The following CDH13 variants were observed in gnomAD, a reference collection of about 807,000 sequenced individuals.
The protein encoded by CDH13 is cadherin-13.
In CDH13, 24 loss-of-function variants were observed where a neutral mutation model predicts 63.8. The ratio of observed to expected loss-of-function variants is 0.38; its 90% CI spans 0.27 to 0.53. The LOEUF is 0.53. Among genes scored for constraint, CDH13 ranks in the 20% least tolerant of loss-of-function variants. The pLI is 0.85. For synonymous variants in CDH13, 503 were observed against 355.3 expected (o/e 1.42, Z -4.67); for missense variants, 1,049 against 903.1 (o/e 1.16, Z -2.07).
chr16:83,141,474 C>T (rs1031170672), intron 4 of CDH13, among the ~76,000 whole-genome samples: 10 of 152,130 alleles, frequency 6.6e-5, no homozygotes, highest in Non-Finnish European at 8.8e-5. Context: ...CATTTCTCTT[C>T]GCAGTGTTCT....
chr16:83,600,476 C>G (rs1034701350), intron 7 of CDH13, among the ~76,000 whole-genome samples: 1 of 152,176 alleles, frequency 6.6e-6, no homozygotes, highest in Non-Finnish European at 1.5e-5. Context: ...CAGCCAGTTG[C>G]ACTTCAAAAT....
chr16:83,736,538 G>T (rs1012111097), intron 10 of CDH13, among the ~76,000 whole-genome samples: 1 of 152,076 alleles, frequency 6.6e-6, no homozygotes, highest in Admixed American at 6.6e-5. Context: ...AGTGTCAAAT[G>T]TCCCTTTATA....
At chr16:83,287,757 TC>T (rs889495196) in intron 5 of CDH13, among the ~76,000 whole-genome samples, 14 of 152,084 alleles carry the variant, frequency 9.2e-5, no homozygotes, top group Admixed American at 3.3e-4. Context: ...CCCCAAGTCA[TC>T]CCCTCACCTC....
intron 5 of CDH13, among the ~76,000 whole-genome samples, chr16:83,228,775 A>G (rs150831604): frequency 6.6e-6 from 1 of 152,204 alleles, no homozygotes; most frequent in African/African-American, 2.4e-5. Context: ...GTGAGCTTAG[A>G]CATGATACTC....
intron 4 of CDH13, chr16:83,171,473 T>C: frequency 7.0e-7 from 1 of 1,431,270 alleles, no homozygotes; most frequent in East Asian, 2.5e-5. Flanking sequence ...CTAATTAGGT[T>C]ACTCATTCTA....
chr16:83,049,097 G>T (rs182342507), intron 3 of CDH13, among the ~76,000 whole-genome samples: 20 of 152,108 alleles, frequency 1.3e-4, no homozygotes, highest in Non-Finnish European at 2.9e-4. Flanking sequence ...TAATTTTATT[G>T]AGGTAAAATT....
chr16:83,630,111 A>G (rs1048458707), intron 8 of CDH13, among the ~76,000 whole-genome samples: 4 of 152,122 alleles, frequency 2.6e-5, no homozygotes, highest in African/African-American at 9.7e-5. Context: ...CCACGTGTTG[A>G]TCTCAGACCT....
chr16:82,930,221 C>T (rs141785825), intron 2 of CDH13, among the ~76,000 whole-genome samples: 27 of 152,050 alleles, frequency 1.8e-4, no homozygotes, highest in African/African-American at 6.3e-4. Context: ...AAGAGATTCA[C>T]CTGCCTCTGC....
intron 2 of CDH13, among the ~76,000 whole-genome samples, chr16:83,024,424 G>A (rs1422895955): frequency 6.6e-6 from 1 of 152,140 alleles, no homozygotes; most frequent in Non-Finnish European, 1.5e-5. Flanking sequence ...ATGAAATTGT[G>A]AGTCTGGAAG....
At chr16:83,312,905 T>G (rs1437334140) in intron 5 of CDH13, among the ~76,000 whole-genome samples, 1 of 152,188 alleles carries the variant, frequency 6.6e-6, no homozygotes, top group Non-Finnish European at 1.5e-5. Flanking sequence ...CCTGGCACCA[T>G]AGCTGTGTTG....
In CDH13 at chr16:83,324,254, C is replaced by G. The variant is rs144043989; in HGVS notation, c.637-20608C>G. On this transcript the variant is annotated intron_variant, in intron 5 of 13. Coordinates refer to ENST00000567109, the MANE Select transcript of CDH13 (RefSeq NM_001257.5). ...GTTTCACCATCATGGTCAGGCTGGT[C>G]TTGAACTCCTGACCTCGTGATGCAC... Among the ~76,000 whole-genome samples, 625 of 152,254 alleles carry G rather than the reference C, an allele frequency of 4.1e-3. 4 individuals are homozygous for G. Among genetic ancestry groups the G allele is most frequent in the African/African-American group, 0.014 (599 of 41,542 alleles).
chr16:82,804,470 A>T (rs75174687), intron 1 of CDH13, among the ~76,000 whole-genome samples: 16,250 of 152,234 alleles, frequency 0.11, 1,201 homozygotes, highest in East Asian at 0.33. Context: ...CACGTTAAAG[A>T]TACTTTAATA....
At chr16:83,378,610 G>T (rs1351615540) in intron 6 of CDH13, among the ~76,000 whole-genome samples, 2 of 152,242 alleles carry the variant, frequency 1.3e-5, no homozygotes, top group Middle Eastern at 3.4e-3. Flanking sequence ...ACTCTGATAT[G>T]ATCCAGTTAT....
intron 6 of CDH13, among the ~76,000 whole-genome samples, chr16:83,355,255 G>A (rs750508387): frequency 3.9e-5 from 6 of 152,138 alleles, no homozygotes; most frequent in Non-Finnish European, 7.4e-5. Flanking sequence ...GTGACAAATC[G>A]GAAAATTCTA....
chr16:83,295,778 A>G (rs2089578343), intron 5 of CDH13, among the ~76,000 whole-genome samples: 1 of 152,186 alleles, frequency 6.6e-6, no homozygotes, highest in African/African-American at 2.4e-5. Flanking sequence ...CAAAAATTTA[A>G]AAGTAGAACT....
At chr16:82,958,193 C>T (rs1414051110) in intron 2 of CDH13, among the ~76,000 whole-genome samples, 1 of 152,174 alleles carries the variant, frequency 6.6e-6, no homozygotes, top group Non-Finnish European at 1.5e-5. Context: ...TAGCACCAAC[C>T]TCTGCTTCTA....
chr16:82,928,691 T>C (rs1314845868), intron 2 of CDH13, among the ~76,000 whole-genome samples: 1 of 152,242 alleles, frequency 6.6e-6, no homozygotes, highest in Non-Finnish European at 1.5e-5. Context: ...TTCAGTAATT[T>C]ACAGATTTGA....
At chr16:83,492,887 T>C (rs868398134) in intron 7 of CDH13, among the ~76,000 whole-genome samples, 2 of 152,204 alleles carry the variant, frequency 1.3e-5, no homozygotes, top group Admixed American at 1.3e-4. Context: ...CCCATCCCTC[T>C]TAGTGTGACC....
At chr16:83,724,924 C>A (rs77324307) in intron 10 of CDH13, among the ~76,000 whole-genome samples, 1,834 of 152,278 alleles carry the variant, frequency 0.012, 39 homozygotes, top group African/African-American at 0.042. Flanking sequence ...CCCTGGGACT[C>A]CCTTATTGGT....
Sources: gnomAD v4.1 joint callset for allele counts (sites outside exome capture counted in the v4.1 genomes callset) on GRCh38, gnomAD v4.1.1 for gene constraint, MANE v1.5 for transcripts, NCBI Gene and HGNC (gene_info 2026-07-23, HGNC 2026-07-21) for gene names.